The following OTUD7A variants were observed in gnomAD, a reference collection of about 807,000 sequenced individuals.
OTUD7A encodes the protein OTU domain-containing protein 7A.
Under a neutral mutation model 65.7 loss-of-function variants are expected in OTUD7A, and 12 were observed. The observed-to-expected ratio is 0.18, with a 90% CI of 0.12 to 0.30. The LOEUF is 0.30. OTUD7A is among the 10% of genes least tolerant of loss of function. The probability of loss-of-function intolerance (pLI) is 1.00; values close to 1 mark genes in which losing one functional copy is unlikely to be tolerated. For missense variants in OTUD7A, 1,148 were observed against 1,304.8 expected (o/e 0.88, Z 1.85); for synonymous variants, 641 against 586.3 (o/e 1.09, Z -1.35).
chr15:31,618,914 T>C (rs1424747209), intron 3 of OTUD7A, among the ~76,000 whole-genome samples: 4 of 152,180 alleles, frequency 2.6e-5, no homozygotes, highest in South Asian at 2.1e-4. Flanking sequence ...TTAGGTCTAA[T>C]GTTTAAGTCT....
intron 8 of OTUD7A, among the ~76,000 whole-genome samples, chr15:31,506,703 A>C: frequency 6.6e-6 from 1 of 152,164 alleles, no homozygotes; most frequent in Non-Finnish European, 1.5e-5. Flanking sequence ...GCATTTTTTA[A>C]ATGCTTTTAA....
chr15:31,808,380 C>A (rs926391541), intron 1 of OTUD7A, among the ~76,000 whole-genome samples: 36 of 152,152 alleles, frequency 2.4e-4, no homozygotes, highest in African/African-American at 2.4e-5. Context: ...GCACAGACCT[C>A]ATTCACAGGA....
At chr15:31,572,739 C>A (rs975513926) in intron 3 of OTUD7A, among the ~76,000 whole-genome samples, 2 of 151,986 alleles carry the variant, frequency 1.3e-5, no homozygotes, top group Non-Finnish European at 2.9e-5. Context: ...AAAAAGGAGT[C>A]AAACTGTTTT....
intron 1 of OTUD7A, among the ~76,000 whole-genome samples, chr15:31,693,175 A>G (rs71399719): frequency 7.2e-5 from 11 of 152,250 alleles, no homozygotes; most frequent in Non-Finnish European, 1.2e-4. Context: ...CAGCATGTCC[A>G]GGAAAAATTT....
rs57061290 is a variant in OTUD7A, at chr15:31,642,587, A to AT, written c.151+12508dup. On this transcript the variant is annotated intron_variant, in intron 3 of 12. Transcript: ENST00000307050. ...TAATAAATATAGACCTATTCAAATC[A>AT]TTTTTTTTTTTTCTTGCATAGGCTT... Among the ~76,000 whole-genome samples the AT allele has an allele frequency of 1.2e-3, 172 of 148,354 alleles. 1 individual carries two copies. The South Asian group carries it at 0.016, about 13-fold the overall frequency.
At chr15:31,512,992 C>G (rs2041779809) in intron 8 of OTUD7A, among the ~76,000 whole-genome samples, 1 of 152,208 alleles carries the variant, frequency 6.6e-6, no homozygotes. Context: ...CCTCAGCCTC[C>G]CAAGTAGCTG....
At chr15:31,809,515 C>CA (rs1271214546) in intron 1 of OTUD7A, among the ~76,000 whole-genome samples, 6 of 152,076 alleles carry the variant, frequency 3.9e-5, no homozygotes, top group East Asian at 1.9e-4. Flanking sequence ...CAGTTCCAGC[C>CA]AAAAAAACTT....
intron 1 of OTUD7A, among the ~76,000 whole-genome samples, chr15:31,755,712 ACT>A (rs1322254282): frequency 6.8e-6 from 1 of 147,722 alleles, no homozygotes; most frequent in Non-Finnish European, 1.5e-5. Context: ...ACAGAGCGAG[ACT>A]CTGTCTCAAA....
intron 1 of OTUD7A, among the ~76,000 whole-genome samples, chr15:31,726,566 C>G (rs1893895397): frequency 6.6e-6 from 1 of 152,184 alleles, no homozygotes; most frequent in Non-Finnish European, 1.5e-5. Context: ...CCATTAGCAA[C>G]CTGGCTTCAA....
rs1030148838 is a variant in OTUD7A, at chr15:31,789,731, C to A, written c.-100+80776G>T. On this transcript the variant is annotated intron_variant, in intron 1 of 12. Coordinates refer to ENST00000307050, the MANE Select transcript of OTUD7A (RefSeq NM_001382637.1). ...CTTTTTTTTTTTTTTTTTTTGAGAC[C>A]GAGTTTCACTCTCGTCCAGGCTAGA... Among the ~76,000 whole-genome samples the A allele has an allele frequency of 2.1e-5, 3 of 142,906 alleles. No individual in the cohort carries two copies. In the Admixed American group the frequency reaches 2.1e-4, roughly 10 times the overall value. The allele number at this position is 142,906 out of a possible 152,430, so 93.8% of individuals were successfully genotyped here. A position where few individuals can be genotyped will look rare whatever the true frequency, so the allele number is the denominator to read the frequency against.
chr15:31,610,988 A>G (rs984257719), intron 3 of OTUD7A, among the ~76,000 whole-genome samples: 4 of 152,074 alleles, frequency 2.6e-5, no homozygotes, highest in African/African-American at 7.2e-5. Flanking sequence ...ACTGGAAATC[A>G]ACTCCAAAAG....
intron 1 of OTUD7A, among the ~76,000 whole-genome samples, chr15:31,774,010 T>C (rs1289630728): frequency 2.6e-5 from 4 of 152,228 alleles, no homozygotes; most frequent in Non-Finnish European, 5.9e-5. Flanking sequence ...ATGAAGCTAA[T>C]GGCACAGTGG....
intron 3 of OTUD7A, among the ~76,000 whole-genome samples, chr15:31,583,872 G>A (rs73374532): frequency 0.033 from 5,039 of 152,106 alleles, 266 homozygotes; most frequent in African/African-American, 0.12. Flanking sequence ...TCATGCAGTT[G>A]CACTGGTTGT....
intron 1 of OTUD7A, among the ~76,000 whole-genome samples, chr15:31,686,817 G>C (rs2141313073): frequency 6.6e-6 from 1 of 152,342 alleles, no homozygotes; most frequent in South Asian, 2.1e-4. Context: ...TTTGGATGCA[G>C]GACACAGAGC....
chr15:31,725,151 A>G (rs1237617034), intron 1 of OTUD7A, among the ~76,000 whole-genome samples: 2 of 152,196 alleles, frequency 1.3e-5, no homozygotes, highest in Admixed American at 6.5e-5. Context: ...CAAGGATGCC[A>G]TGGTCTCTTT....
intron 1 of OTUD7A, among the ~76,000 whole-genome samples, chr15:31,743,724 T>A (rs1002884616): frequency 2.0e-5 from 3 of 151,388 alleles, no homozygotes; most frequent in Non-Finnish European, 2.9e-5. Context: ...CTGGCCAACA[T>A]GTTGAAACCC....
At chr15:31,782,257 A>T (rs2140927427) in intron 1 of OTUD7A, among the ~76,000 whole-genome samples, 1 of 152,378 alleles carries the variant, frequency 6.6e-6, no homozygotes, top group South Asian at 2.1e-4. Flanking sequence ...TGAGACAGCC[A>T]TCAACAGAGG....
chr15:31,720,526 G>A (rs1214849777), intron 1 of OTUD7A, among the ~76,000 whole-genome samples: 2 of 150,316 alleles, frequency 1.3e-5, no homozygotes, highest in Non-Finnish European at 3.0e-5. Flanking sequence ...TCAGCCTCCC[G>A]AGTAGCTGGG....
chr15:31,522,384 T>G (rs1020981698), intron 8 of OTUD7A, among the ~76,000 whole-genome samples: 12 of 152,200 alleles, frequency 7.9e-5, no homozygotes, highest in African/African-American at 2.4e-4. Context: ...ATCCACACCA[T>G]CAGTTCTCCA....
Sources: gnomAD v4.1 joint callset for allele counts (sites outside exome capture counted in the v4.1 genomes callset) on GRCh38, gnomAD v4.1.1 for gene constraint, MANE v1.5 for transcripts, NCBI Gene and HGNC (gene_info 2026-07-23, HGNC 2026-07-21) for gene names.